The following DAB1 variants were observed in gnomAD, a reference collection of about 807,000 sequenced individuals.
DAB1 encodes the protein disabled homolog 1.
In DAB1, 15 loss-of-function variants were observed where a neutral mutation model predicts 64.6. That is an observed-to-expected ratio of 0.23 (90% confidence interval 0.16 to 0.36). The LOEUF is 0.36. Among genes scored for constraint, DAB1 ranks in the 10% least tolerant of loss-of-function variants. The pLI, the probability that DAB1 is intolerant of heterozygous loss-of-function variation, is 1.00. For missense variants in DAB1, 596 were observed against 706.7 expected, an observed-to-expected ratio of 0.84 and a Z score of 1.78; for synonymous variants, 235 against 251.9, an observed-to-expected ratio of 0.93 and a Z score of 0.64.
intron 7 of DAB1, among the ~76,000 whole-genome samples, chr1:57,587,534 T>A (rs950645506): frequency 6.6e-6 from 1 of 152,172 alleles, no homozygotes; most frequent in Non-Finnish European, 1.5e-5. Context: ...CAATGCCTGA[T>A]CTTTATGGCT....
At chr1:57,558,162 C>G (rs1427937680) in intron 7 of DAB1, among the ~76,000 whole-genome samples, 1 of 152,172 alleles carries the variant, frequency 6.6e-6, no homozygotes, top group Non-Finnish European at 1.5e-5. Context: ...TTTGTAAACT[C>G]TGATGAAACT....
intron 2 of DAB1, among the ~76,000 whole-genome samples, chr1:57,221,371 A>G (rs1416239605): frequency 6.6e-6 from 1 of 151,918 alleles, no homozygotes. Context: ...CGTTGTGCAC[A>G]TGTACCCTAG....
intron 5 of DAB1, among the ~76,000 whole-genome samples, chr1:57,933,540 C>T (rs1400091901): frequency 6.6e-6 from 1 of 152,042 alleles, no homozygotes; most frequent in Non-Finnish European, 1.5e-5. Flanking sequence ...TGAGATTTAT[C>T]CATATATTGC....
chr1:57,140,885 C>G (rs1658529416), intron 3 of DAB1, among the ~76,000 whole-genome samples: 1 of 152,128 alleles, frequency 6.6e-6, no homozygotes, highest in Admixed American at 6.5e-5. Flanking sequence ...AAGCAAGAGT[C>G]ACAGGCTGCC....
At chr1:57,035,407 T>C (rs1647108836) in intron 9 of DAB1, among the ~76,000 whole-genome samples, 3 of 152,106 alleles carry the variant, frequency 2.0e-5, no homozygotes. Flanking sequence ...ATGTCCCATA[T>C]AATGAAAATG....
intron 6 of DAB1, among the ~76,000 whole-genome samples, chr1:57,663,959 T>C (rs1001194395): frequency 1.3e-5 from 2 of 152,174 alleles, no homozygotes; most frequent in African/African-American, 4.8e-5. Flanking sequence ...CATGCTGAAG[T>C]CTTAGGGTTT....
intron 5 of DAB1, among the ~76,000 whole-genome samples, chr1:58,054,367 G>A (rs769378317): frequency 1.3e-5 from 2 of 152,040 alleles, no homozygotes; most frequent in African/African-American, 2.4e-5. Context: ...ATTCATTTTT[G>A]GTCCAGGTTT....
intron 1 of DAB1, among the ~76,000 whole-genome samples, chr1:57,343,013 G>A (rs1199606923): frequency 7.9e-5 from 3 of 37,950 alleles, no homozygotes; most frequent in East Asian, 5.0e-4. Flanking sequence ...CTGCTGGCTC[G>A]GGCAGCCTGC....
At chr1:58,139,182 C>A (rs625994) in intron 5 of DAB1, among the ~76,000 whole-genome samples, 1 of 151,918 alleles carries the variant, frequency 6.6e-6, no homozygotes, top group African/African-American at 2.4e-5. Flanking sequence ...CAGATTCTTC[C>A]GTCAAAACCA....
chr1:57,009,853 C>G (rs1237382009), intron 14 of DAB1, among the ~76,000 whole-genome samples: 1 of 152,230 alleles, frequency 6.6e-6, no homozygotes, highest in East Asian at 1.9e-4. Flanking sequence ...CCAAAAGCCA[C>G]TTCTAGTAAA....
chr1:57,268,392 T>A (rs1670743746), intron 2 of DAB1, among the ~76,000 whole-genome samples: 3 of 152,138 alleles, frequency 2.0e-5, no homozygotes, highest in Admixed American at 2.0e-4. Context: ...GGGCTTCCAA[T>A]GTGGAAATAT....
chr1:57,606,546 A>AAT (rs1400040744), intron 7 of DAB1, among the ~76,000 whole-genome samples: 3 of 119,348 alleles, frequency 2.5e-5, no homozygotes, highest in African/African-American at 6.8e-5. Context: ...TGAAATATAT[A>AAT]ATATAATATA....
At chr1:57,888,184 T>C (rs1316856749), upstream of DAB1, among the ~76,000 whole-genome samples, 1 of 152,186 alleles carries the variant, frequency 6.6e-6, no homozygotes, top group Non-Finnish European at 1.5e-5. Context: ...TCTTGGTTCA[T>C]ATAAGGCTGA....
intron 3 of DAB1, among the ~76,000 whole-genome samples, chr1:58,397,096 A>G (rs1644530043): frequency 6.6e-6 from 1 of 151,362 alleles, no homozygotes; most frequent in African/African-American, 2.4e-5. Context: ...AGAAAAAGAA[A>G]CAGAGAGGGC....
intron 9 of DAB1, among the ~76,000 whole-genome samples, chr1:57,031,402 C>A (rs1286735247): frequency 6.6e-6 from 1 of 152,142 alleles, no homozygotes; most frequent in Non-Finnish European, 1.5e-5. Flanking sequence ...TTAAAAGCCT[C>A]AAGAGAATAA....
chr1:57,583,396 C>T (rs1230263628), intron 7 of DAB1, among the ~76,000 whole-genome samples: 4 of 151,492 alleles, frequency 2.6e-5, no homozygotes, highest in South Asian at 2.1e-4. Context: ...AAGCAATTCT[C>T]CTGCCTCAGC....
At chr1:57,196,030 G>A (rs981851259) in intron 2 of DAB1, among the ~76,000 whole-genome samples, 1 of 152,162 alleles carries the variant, frequency 6.6e-6, no homozygotes, top group African/African-American at 2.4e-5. Context: ...TGAGGATGGG[G>A]TGGTGATGGG....
intron 5 of DAB1, chr1:58,048,962 C>A: frequency 1.2e-6 from 1 of 846,450 alleles, no homozygotes; most frequent in Non-Finnish European, 2.0e-6. Context: ...TTCTTTAAAA[C>A]CACCAACAAA....
chr1:58,297,481 T>C (rs1323121241), intron 4 of DAB1, among the ~76,000 whole-genome samples: 1 of 152,154 alleles, frequency 6.6e-6, no homozygotes, highest in Non-Finnish European at 1.5e-5. Context: ...ACACAATGCC[T>C]GGTACAGAGT....
Sources: allele counts gnomAD v4.1 joint callset (sites outside exome capture counted in the v4.1 genomes callset), GRCh38; gene constraint gnomAD v4.1.1; transcripts MANE v1.5; gene names NCBI Gene and HGNC (gene_info 2026-07-23, HGNC 2026-07-21).